The following DGKB variants were observed in gnomAD, a reference collection of about 807,000 sequenced individuals.
DGKB encodes diacylglycerol kinase beta, also known as 90 kDa diacylglycerol kinase.
Under a neutral mutation model 114.3 loss-of-function variants are expected in DGKB, and 67 were observed. The ratio of observed to expected loss-of-function variants is 0.59; its 90% CI spans 0.48 to 0.72. The LOEUF is 0.72. Among genes scored for constraint, DGKB ranks in the 30% least tolerant of loss-of-function variants. DGKB has a pLI of 0.00. For synonymous variants in DGKB, 398 were observed against 323.1 expected, an observed-to-expected ratio of 1.23 and a Z score of -2.49; for missense variants, 907 against 975.2, an observed-to-expected ratio of 0.93 and a Z score of 0.93.
intron 21 of DGKB, among the ~76,000 whole-genome samples, chr7:14,453,814 G>T (rs1173734635): frequency 2.0e-5 from 3 of 152,080 alleles, no homozygotes; most frequent in Non-Finnish European, 4.4e-5. Context: ...AAGTGACCTT[G>T]GTTGTGTTCC....
At position 14,639,900 on chromosome 7, in the gene DGKB, T is replaced by A. The variant is rs180680633; in HGVS notation, c.1135-9632A>T. 3.3e-5 allele frequency among the ~76,000 whole-genome samples: 5 copies of A among 152,310 alleles called. No individual in the cohort carries two copies. The East Asian group carries it at 9.6e-4, about 29-fold the overall frequency. On this transcript the variant is annotated intron_variant, in intron 13 of 25. Transcript: ENST00000402815. ...TAAGGATAGCAAGAACAATTTCATA[T>A]CCATGTTACAGTCAGAAGTTACACT...
intron 20 of DGKB, among the ~76,000 whole-genome samples, chr7:14,523,241 TA>T (rs1367394307): frequency 1.3e-5 from 2 of 152,222 alleles, no homozygotes; most frequent in Non-Finnish European, 2.9e-5. Context: ...ATAATTTATC[TA>T]AAAACCACTT....
intron 20 of DGKB, among the ~76,000 whole-genome samples, chr7:14,497,457 A>G (rs1785473414): frequency 6.6e-6 from 1 of 151,898 alleles, no homozygotes; most frequent in African/African-American, 2.4e-5. Context: ...GACTTTACAA[A>G]GAACTATGAA....
chr7:14,542,101 T>C (rs1034472636), intron 20 of DGKB, among the ~76,000 whole-genome samples: 4 of 152,168 alleles, frequency 2.6e-5, no homozygotes, highest in African/African-American at 9.7e-5. Context: ...TCAATTGCCT[T>C]TACAAAATTC....
chr7:14,869,329 C>T (rs1376412494), intron 1 of DGKB, among the ~76,000 whole-genome samples: 1 of 152,132 alleles, frequency 6.6e-6, no homozygotes, highest in East Asian at 1.9e-4. Flanking sequence ...CAGATTTTGA[C>T]AGGATTATAC....
At chr7:14,745,229 T>C (rs1006834872) in intron 4 of DGKB, among the ~76,000 whole-genome samples, 3 of 152,174 alleles carry the variant, frequency 2.0e-5, no homozygotes, top group African/African-American at 7.2e-5. Context: ...CTTCAGGCCA[T>C]CAAACTCCAA....
intron 1 of DGKB, among the ~76,000 whole-genome samples, chr7:14,844,350 CAG>C (rs1386570258): frequency 6.6e-6 from 1 of 152,162 alleles, no homozygotes; most frequent in Admixed American, 6.5e-5. Flanking sequence ...ATAAACTAGA[CAG>C]GGGTAAGCAA....
intron 25 of DGKB, among the ~76,000 whole-genome samples, chr7:14,153,475 C>A (rs1444798604): frequency 8.6e-5 from 13 of 152,036 alleles, no homozygotes; most frequent in Non-Finnish European, 4.4e-5. Context: ...CCTTATTTTA[C>A]ACTGAAGGAC....
chr7:14,717,209 A>G (rs1172937686), intron 6 of DGKB, among the ~76,000 whole-genome samples: 1 of 152,172 alleles, frequency 6.6e-6, no homozygotes, highest in Non-Finnish European at 1.5e-5. Context: ...ATATACATCC[A>G]GCTGACCTAG....
At chr7:14,391,474 G>A (rs1168266257) in intron 21 of DGKB, among the ~76,000 whole-genome samples, 1 of 150,704 alleles carries the variant, frequency 6.6e-6, no homozygotes, top group Non-Finnish European at 1.5e-5. Flanking sequence ...TTGAGCCCAG[G>A]CAAGACCAGC....
At chr7:14,390,435 A>C (rs1471793209) in intron 21 of DGKB, among the ~76,000 whole-genome samples, 1 of 152,194 alleles carries the variant, frequency 6.6e-6, no homozygotes, top group Non-Finnish European at 1.5e-5. Context: ...TCCTTGAAGA[A>C]ATTAATTTCC....
chr7:14,565,231 G>A (rs1035420749), intron 20 of DGKB, among the ~76,000 whole-genome samples: 1 of 152,112 alleles, frequency 6.6e-6, no homozygotes, highest in Admixed American at 6.6e-5. Context: ...TAACCTGTTG[G>A]ATGCTGGGAG....
intron 21 of DGKB, among the ~76,000 whole-genome samples, chr7:14,350,088 G>C (rs1813175800): frequency 6.6e-6 from 1 of 152,108 alleles, no homozygotes; most frequent in South Asian, 2.1e-4. Flanking sequence ...AATGCTCAAA[G>C]TGCTTGGCTA....
chr7:14,903,559 AT>A (rs1446019445), upstream of DGKB, among the ~76,000 whole-genome samples: 2 of 152,094 alleles, frequency 1.3e-5, no homozygotes, highest in African/African-American at 4.8e-5. Context: ...TTGGTGGGTC[AT>A]TGTTCAGCAA....
intron 5 of DGKB, among the ~76,000 whole-genome samples, chr7:14,720,095 C>A (rs568186890): frequency 6.6e-6 from 1 of 150,616 alleles, no homozygotes; most frequent in African/African-American, 2.4e-5. Context: ...CACACACACA[C>A]GCACGCACGC....
rs770185578 is a variant in DGKB at position 14,682,818 on chromosome 7, G to A, written c.853C>T (p.Arg285Cys). ...GAGGGAGGTGCTCGAGCCACACAGCGCTCATGGACTGTGTACTTGCAGACT... is the reference window on the plus strand; with the variant it reads ...GAGGGAGGTGCTCGAGCCACACAGCACTCATGGACTGTGTACTTGCAGACT... Reference protein sequence around the residue: ...CSFCKYTVHERCVARAPPSCI... With the variant: ...CSFCKYTVHECCVARAPPSCI... Residue 285 changes from arginine to cysteine, a missense_variant, in exon 11 of 26, where the codon CGC becomes TGC. Arg to Cys is a radical substitution (Grantham distance 180, BLOSUM62 -3). Transcript: ENST00000402815. 9 of 1,597,340 alleles carry A rather than the reference G, an allele frequency of 5.6e-6. No homozygotes were observed. The Admixed American group carries it at 7.0e-5, about 12-fold the overall frequency.
chr7:14,273,384 G>C (rs953564903), intron 23 of DGKB, among the ~76,000 whole-genome samples: 1 of 151,878 alleles, frequency 6.6e-6, no homozygotes, highest in African/African-American at 2.4e-5. Context: ...AGAAAGAAAA[G>C]AAAGGTCTGA....
At chr7:14,678,459 A>G (rs539475403) in intron 12 of DGKB, among the ~76,000 whole-genome samples, 25 of 152,212 alleles carry the variant, frequency 1.6e-4, no homozygotes, top group Admixed American at 5.9e-4. Context: ...CGGGATGAAC[A>G]AAATAGTAGG....
chr7:14,831,219 T>A (rs1846368839), intron 2 of DGKB, among the ~76,000 whole-genome samples: 1 of 151,914 alleles, frequency 6.6e-6, no homozygotes, highest in African/African-American at 2.4e-5. Context: ...TGAGGATATA[T>A]TTACATGGAC....
Sources: allele counts gnomAD v4.1 joint callset (sites outside exome capture counted in the v4.1 genomes callset), GRCh38; gene constraint gnomAD v4.1.1; transcripts MANE v1.5; gene names NCBI Gene and HGNC (gene_info 2026-07-23, HGNC 2026-07-21).